FAM53A: variants seen among roughly 807,000 people sequenced by gnomAD.
FAM53A encodes protein FAM53A.
FAM53A carries 28 observed loss-of-function variants against 26.6 expected under a neutral mutation model. That is an observed-to-expected ratio of 1.05 (90% CI 0.78 to 1.45). The LOEUF (loss-of-function observed/expected upper bound fraction) is 1.45, where lower values mean the gene tolerates loss of function less well. Among genes scored for constraint, FAM53A ranks in the 40% most tolerant of loss-of-function variants. FAM53A has a pLI of 0.00. For synonymous variants in FAM53A, 290 were observed against 253.1 expected (o/e 1.15, Z -1.38); for missense variants, 650 against 575.8 (o/e 1.13, Z -1.32).
the FAM53A span, among the ~76,000 whole-genome samples, chr4:1,595,227 G>T: frequency 6.6e-6 from 1 of 152,218 alleles, no homozygotes; most frequent in African/African-American, 2.4e-5. Context: ...GGCTCTGGAC[G>T]GCCACAGGGC....
chr4:1,577,440 G>A, the FAM53A span, among the ~76,000 whole-genome samples: 1 of 152,152 alleles, frequency 6.6e-6, no homozygotes, highest in Non-Finnish European at 1.5e-5. Flanking sequence ...GTGGTAGGGG[G>A]GCTACTGCCT....
At chr4:1,680,821 G>A (rs1715384716) in intron 1 of FAM53A, among the ~76,000 whole-genome samples, 1 of 152,136 alleles carries the variant, frequency 6.6e-6, no homozygotes, top group Non-Finnish European at 1.5e-5. Flanking sequence ...TGGCTGCCAG[G>A]GGCCAGGGGT....
In FAM53A at chr4:1,655,472, G is replaced by C. The variant is rs1231969497; in HGVS notation, c.388C>G (p.Leu130Val). Residue 130 changes from leucine to valine, a missense_variant, in exon 4 of 5, where the codon CTT (leucine) becomes GTT (valine). By Grantham distance (32) the Leu-to-Val change is conservative (BLOSUM62 1). Coordinates refer to ENST00000308132, the MANE Select transcript of FAM53A (RefSeq NM_001174070.3). ...HCRSLSEPEE[L>V]VRCRSPWRPG... is the part of the protein sequence containing the mutation. The stretch of plus-strand genomic sequence containing the variant: ...CGCCAGGGGGACCGGCAGCGCACAA[G>C]CTCCTCGGGTTCTGACAAGGACCGG... 6.4e-7 allele frequency: 1 copy of C among 1,568,472 alleles called. No homozygotes were observed. The highest frequency in any genetic ancestry group is 1.4e-5 in the African/African-American group (1 of 72,838).
chr4:1,621,030 A>T (rs1715005398), intron 1 of FAM53A, among the ~76,000 whole-genome samples: 4 of 151,444 alleles, frequency 2.6e-5, no homozygotes. Flanking sequence ...ATCACGCCTC[A>T]GTTTCAGGAA....
At chr4:1,673,702 C>T (rs1192699240) in intron 1 of FAM53A, among the ~76,000 whole-genome samples, 3 of 152,220 alleles carry the variant, frequency 2.0e-5, no homozygotes, top group African/African-American at 7.2e-5. Context: ...CCACTGCACT[C>T]CAGTGTGGTG....
At chr4:1,650,726 C>T (rs1712703402) in intron 4 of FAM53A, among the ~76,000 whole-genome samples, 1 of 150,370 alleles carries the variant, frequency 6.7e-6, no homozygotes, top group African/African-American at 2.4e-5. Context: ...GAACTCCTGA[C>T]CTCAAATGAT....
In FAM53A at chr4:1,659,782, G is replaced by A. The variant is rs1004048591; in HGVS notation, c.76-2314C>T. Among the ~76,000 whole-genome samples the A allele has an allele frequency of 2.6e-5, 4 of 152,162 alleles. No individual in the cohort carries two copies. The highest frequency in any genetic ancestry group is 1.3e-4 in the Admixed American group (2 of 15,272). The stretch of plus-strand genomic sequence containing the variant: ...TAAGGCCACCTCCTGGTTCACAGAC[G>A]GCTCTTCCGGTTGTATCTATGCATG... On this transcript the variant is annotated intron_variant, in intron 2 of 4. Coordinates refer to ENST00000308132, the MANE Select transcript of FAM53A (RefSeq NM_001174070.3). This position sits in a 1 kb window ranked among gnomAD's most constrained non-coding sequence, Gnocchi z 5.2.
the FAM53A span, among the ~76,000 whole-genome samples, chr4:1,609,633 G>A: frequency 2.6e-5 from 4 of 152,072 alleles, no homozygotes; most frequent in South Asian, 2.1e-4. Flanking sequence ...TAAGTTTCCT[G>A]AGGCCTCCTC....
chr4:1,674,954 C>T (rs1714938982), intron 1 of FAM53A, among the ~76,000 whole-genome samples: 1 of 152,180 alleles, frequency 6.6e-6, no homozygotes. Context: ...CCAGAGGAAG[C>T]CCCTGCCGGA....
In FAM53A at chr4:1,641,443, G is replaced by T. The variant is rs1022091487; in HGVS notation, c.1047C>A (p.His349Gln). Residue 349 changes from histidine (H) to glutamine (Q), a missense_variant, in exon 5 of 5, where the codon CAC (histidine) becomes CAA (glutamine). Coordinates refer to ENST00000308132, the MANE Select transcript of FAM53A (RefSeq NM_001174070.3). ...ACTCCCTAGAGGCCCACAGGTTGGGGTGGACAGGGCTGGTCCTGAGGCCCC... is the reference window on the plus strand; with the variant it reads ...ACTCCCTAGAGGCCCACAGGTTGGGTTGGACAGGGCTGGTCCTGAGGCCCC... The part of the protein sequence containing the change: ...SQRGLRTSPV[H>Q]PNLWASRESV... 4 of 1,613,596 alleles carry T rather than the reference G, an allele frequency of 2.5e-6. No homozygotes were observed. The highest frequency in any genetic ancestry group is 2.5e-6 in the Non-Finnish European group (3 of 1,179,832).
intron 1 of FAM53A, among the ~76,000 whole-genome samples, chr4:1,625,032 G>A (rs1715223500): frequency 7.0e-6 from 1 of 142,234 alleles, no homozygotes; most frequent in Non-Finnish European, 1.5e-5. Flanking sequence ...CGTGGTCAGG[G>A]TCACGCCAGG....
chr4:1,633,002 GTGCTCACACGCATAGGTACACGCTCA>G (rs1159676502), intron 1 of FAM53A, among the ~76,000 whole-genome samples: 11,276 of 152,224 alleles, frequency 0.074, 1,195 homozygotes, highest in African/African-American at 0.23. Context: ...GTACACACTC[GTGCTCACACGCATAGGTACACGCTCA>G]TGCTCACACG....
chr4:1,665,830 G>T (rs550156570), intron 2 of FAM53A, among the ~76,000 whole-genome samples: 1 of 152,236 alleles, frequency 6.6e-6, no homozygotes, highest in African/African-American at 2.4e-5. Flanking sequence ...ATGAAGAATG[G>T]GAGGGAGGGA....
chr4:1,575,721 A>G, the FAM53A span, among the ~76,000 whole-genome samples: 1 of 152,052 alleles, frequency 6.6e-6, no homozygotes, highest in Non-Finnish European at 1.5e-5. Flanking sequence ...GGTCCTAAAC[A>G]AGCCAATCTC....
Position 1,655,441 on chromosome 4 carries a change from C to G in FAM53A, c.419G>C (p.Gly140Ala), listed in dbSNP as rs1713271041. 1 of 1,521,326 alleles carries G rather than the reference C, an allele frequency of 6.6e-7. No individual in the cohort carries two copies. The highest frequency in any genetic ancestry group is 8.8e-7 in the Non-Finnish European group (1 of 1,134,674). The allele number at this position is 1,521,326 out of a possible 1,614,324, so 94.2% of individuals were successfully genotyped here. ...GACTGGAGTCCAGACCTTGGAGCTG[C>G]CGGGGCGCCAGGGGGACCGGCAGCG... is the stretch of plus-strand genomic sequence containing the variant. Reference protein sequence around the residue: ...LVRCRSPWRPGSSKVWTPVSK... With the variant: ...LVRCRSPWRPASSKVWTPVSK... Residue 140 changes from glycine to alanine, a missense_variant, in exon 4 of 5, where the codon GGC (glycine) becomes GCC (alanine). By Grantham distance (60) the Gly-to-Ala change is moderately conservative. Transcript: ENST00000308132.
chr4:1,588,506 G>T, the FAM53A span, among the ~76,000 whole-genome samples: 8 of 152,296 alleles, frequency 5.3e-5, no homozygotes, highest in Non-Finnish European at 1.2e-4. Flanking sequence ...CTTGCTGGGG[G>T]TGGGGGCACC....
chr4:1,644,156 C>T, intron 4 of FAM53A: 3 of 1,531,312 alleles, frequency 2.0e-6, no homozygotes, highest in South Asian at 1.2e-5. Context: ...GGCTGCACTA[C>T]ACACGCACCG....
the FAM53A span, among the ~76,000 whole-genome samples, chr4:1,588,266 A>C: frequency 9.8e-4 from 149 of 152,250 alleles, no homozygotes; most frequent in Middle Eastern, 0.01. Context: ...TTCCCTCAGA[A>C]CACTAGTGAT....
chr4:1,608,820 AT>A, the FAM53A span, among the ~76,000 whole-genome samples: 1 of 152,132 alleles, frequency 6.6e-6, no homozygotes, highest in Non-Finnish European at 1.5e-5. Context: ...TGTGAAGCTG[AT>A]TAATAATTTG....
Sources: allele counts gnomAD v4.1 joint callset (sites outside exome capture counted in the v4.1 genomes callset), GRCh38; gene constraint gnomAD v4.1.1; non-coding constraint Gnocchi (gnomAD v3.1); transcripts MANE v1.5; gene names NCBI Gene and HGNC (gene_info 2026-07-23, HGNC 2026-07-21).